Variants in FAM13A observed in about 807,000 individuals in gnomAD.
The protein encoded by FAM13A is family with sequence similarity 13 member A.
A neutral mutation model predicts 129.6 loss-of-function variants in FAM13A; 76 were observed. The ratio of observed to expected loss-of-function variants is 0.59; its 90% CI spans 0.49 to 0.71. FAM13A has a LOEUF of 0.71. FAM13A is among the 30% of genes least tolerant of loss of function. FAM13A has a pLI of 0.00. For missense variants in FAM13A, 1,108 were observed against 1,249.3 expected (o/e 0.89, Z 1.70); for synonymous variants, 443 against 449.9 (o/e 0.98, Z 0.20).
At chr4:89,040,596 C>A (rs1769982895) in intron 1 of FAM13A, among the ~76,000 whole-genome samples, 1 of 152,178 alleles carries the variant, frequency 6.6e-6, no homozygotes, top group African/African-American at 2.4e-5. Context: ...AATTAGGGAA[C>A]TTGAGTTTGA....
chr4:88,852,530 T>TC (rs1479343496), intron 6 of FAM13A, among the ~76,000 whole-genome samples: 2 of 152,184 alleles, frequency 1.3e-5, no homozygotes, highest in African/African-American at 4.8e-5. Flanking sequence ...TAGTCTACCC[T>TC]TGATTACACA....
chr4:88,835,300 G>T (rs2149900977), intron 7 of FAM13A, among the ~76,000 whole-genome samples: 1 of 152,156 alleles, frequency 6.6e-6, no homozygotes, highest in East Asian at 1.9e-4. Flanking sequence ...TCCTTTCTCA[G>T]CTTCTCATGC....
At chr4:89,009,879 G>C (rs1013739449) in intron 3 of FAM13A, among the ~76,000 whole-genome samples, 12 of 152,158 alleles carry the variant, frequency 7.9e-5, no homozygotes, top group Admixed American at 6.5e-5. Context: ...TTCTGCAACA[G>C]ATGCCAAGCT....
chr4:89,010,436 ATTAG>A (rs1466599968), intron 3 of FAM13A, among the ~76,000 whole-genome samples: 2 of 151,816 alleles, frequency 1.3e-5, no homozygotes, highest in Non-Finnish European at 2.9e-5. Context: ...GGGAAAGAGC[ATTAG>A]GCAGCCACAG....
chr4:88,998,100 AC>A (rs1763794502), intron 3 of FAM13A, among the ~76,000 whole-genome samples: 1 of 152,058 alleles, frequency 6.6e-6, no homozygotes, highest in South Asian at 2.1e-4. Flanking sequence ...CCCCTAGAAC[AC>A]CCAGAACAGT....
At chr4:88,925,041 A>T (rs1432726942) in intron 5 of FAM13A, among the ~76,000 whole-genome samples, 1 of 150,020 alleles carries the variant, frequency 6.7e-6, no homozygotes, top group East Asian at 2.0e-4. Flanking sequence ...CAATCATTAA[A>T]AAGTCAGGAA....
chr4:88,783,127 A>G (rs1201075135), intron 10 of FAM13A, among the ~76,000 whole-genome samples: 1 of 152,144 alleles, frequency 6.6e-6, no homozygotes, highest in Non-Finnish European at 1.5e-5. Flanking sequence ...TTGTATTACA[A>G]ACAATCCAAT....
At chr4:88,940,781 T>C (rs1754624836) in intron 4 of FAM13A, among the ~76,000 whole-genome samples, 1 of 152,214 alleles carries the variant, frequency 6.6e-6, no homozygotes, top group Non-Finnish European at 1.5e-5. Flanking sequence ...AAAAGCATCA[T>C]CCCTCAGCCA....
intron 7 of FAM13A, among the ~76,000 whole-genome samples, chr4:88,810,528 A>G (rs1238942121): frequency 6.6e-6 from 1 of 152,174 alleles, no homozygotes; most frequent in Non-Finnish European, 1.5e-5. Context: ...TGCCCCAAGC[A>G]ACGGAACTAT....
At chr4:88,947,679 T>G (rs1372267491) in intron 4 of FAM13A, among the ~76,000 whole-genome samples, 2 of 152,022 alleles carry the variant, frequency 1.3e-5, no homozygotes, top group Non-Finnish European at 2.9e-5. Flanking sequence ...TTTAGTCCTT[T>G]TTTTTTTGCC....
intron 1 of FAM13A, among the ~76,000 whole-genome samples, chr4:89,035,950 T>A (rs1274446439): frequency 6.6e-6 from 1 of 152,112 alleles, no homozygotes; most frequent in Non-Finnish European, 1.5e-5. Flanking sequence ...AGGTACAGAA[T>A]GATATAATTT....
chr4:88,875,216 AG>A (rs1742184396), intron 6 of FAM13A, among the ~76,000 whole-genome samples: 1 of 152,256 alleles, frequency 6.6e-6, no homozygotes, highest in Non-Finnish European at 1.5e-5. Context: ...AATACCATTC[AG>A]GACATAGGCA....
chr4:88,730,701 AT>A (rs1204237524), intron 23 of FAM13A, among the ~76,000 whole-genome samples: 1 of 151,974 alleles, frequency 6.6e-6, no homozygotes, highest in African/African-American at 2.4e-5. Flanking sequence ...CGACTTACTG[AT>A]TTTCATACAT....
intron 5 of FAM13A, among the ~76,000 whole-genome samples, chr4:88,919,564 G>T (rs1050830812): frequency 2.6e-5 from 4 of 152,238 alleles, no homozygotes; most frequent in African/African-American, 9.6e-5. Flanking sequence ...ATGCCAGAGG[G>T]CAGCCAAGAT....
chr4:88,865,936 C>T (rs1441770150), intron 6 of FAM13A, among the ~76,000 whole-genome samples: 1 of 119,234 alleles, frequency 8.4e-6, no homozygotes, highest in African/African-American at 3.3e-5. Flanking sequence ...GTTGCCTAGG[C>T]TGGAGTGCAG....
At chr4:88,959,291 C>T (rs1003842440) in intron 4 of FAM13A, among the ~76,000 whole-genome samples, 2 of 152,084 alleles carry the variant, frequency 1.3e-5, no homozygotes, top group Admixed American at 1.3e-4. Context: ...GAATATTTGT[C>T]CCCACCCAAA....
At chr4:89,027,754 A>G (rs1768159517) in intron 2 of FAM13A, among the ~76,000 whole-genome samples, 1 of 152,144 alleles carries the variant, frequency 6.6e-6, no homozygotes, top group Non-Finnish European at 1.5e-5. Flanking sequence ...CTGTGATACC[A>G]CAATGATCAA....
chr4:88,825,815 T>TA (rs1310678341), intron 7 of FAM13A, among the ~76,000 whole-genome samples: 2 of 100,808 alleles, frequency 2.0e-5, no homozygotes, highest in Non-Finnish European at 3.6e-5. Context: ...CCACATTACA[T>TA]AAAATGTCAA....
chr4:88,755,125 AAGG>A (rs766983267), intron 14 of FAM13A, among the ~76,000 whole-genome samples: 18 of 152,282 alleles, frequency 1.2e-4, no homozygotes, highest in Admixed American at 1.0e-3. Flanking sequence ...CAAAGAAAGA[AAGG>A]AGGTTGGTGT....
Sources: allele counts gnomAD v4.1 joint callset (sites outside exome capture counted in the v4.1 genomes callset), GRCh38; gene constraint gnomAD v4.1.1; transcripts MANE v1.5; gene names NCBI Gene and HGNC (gene_info 2026-07-23, HGNC 2026-07-21).